The following CCSER1 variants were observed in gnomAD, a reference collection of about 807,000 sequenced individuals.
CCSER1 encodes serine-rich coiled-coil domain-containing protein 1.
CCSER1 carries 41 observed loss-of-function variants against 82.0 expected under a neutral mutation model. That is an observed-to-expected ratio of 0.50 (90% CI 0.39 to 0.65). The LOEUF (loss-of-function observed/expected upper bound fraction) is 0.65. CCSER1 is among the 30% of genes least tolerant of loss of function. The pLI is 0.00. For missense variants in CCSER1, 1,119 were observed against 1,064.2 expected (o/e 1.05, Z -0.72); for synonymous variants, 414 against 383.9 (o/e 1.08, Z -0.92).
intron 9 of CCSER1, among the ~76,000 whole-genome samples, chr4:90,969,910 A>G (rs772191823): frequency 6.6e-5 from 10 of 151,726 alleles, no homozygotes; most frequent in Non-Finnish European, 1.5e-4. Flanking sequence ...AAGAACCTCT[A>G]GCAGATACAC....
intron 1 of CCSER1, among the ~76,000 whole-genome samples, chr4:90,154,470 A>C (rs368470127): frequency 0.029 from 4,382 of 152,154 alleles, 74 homozygotes; most frequent in South Asian, 0.059. Flanking sequence ...TACCTTGGGC[A>C]GTATGGCCAT....
chr4:91,385,366 C>G (rs978349011), intron 10 of CCSER1, among the ~76,000 whole-genome samples: 6 of 151,822 alleles, frequency 4.0e-5, no homozygotes, highest in African/African-American at 1.5e-4. Flanking sequence ...GAGGAAATAA[C>G]AATATGCATA....
At chr4:91,287,018 G>A (rs539260590) in intron 10 of CCSER1, among the ~76,000 whole-genome samples, 4 of 151,900 alleles carry the variant, frequency 2.6e-5, no homozygotes, top group East Asian at 1.9e-4. Context: ...GAATATACAT[G>A]AAAATAATAC....
At chr4:90,695,802 T>A (rs1464391082) in intron 6 of CCSER1, among the ~76,000 whole-genome samples, 1 of 152,006 alleles carries the variant, frequency 6.6e-6, no homozygotes, top group Non-Finnish European at 1.5e-5. Flanking sequence ...TTCAAGGAAT[T>A]TTTTTACATT....
intron 1 of CCSER1, among the ~76,000 whole-genome samples, chr4:90,162,248 G>C (rs986254746): frequency 2.0e-5 from 3 of 151,994 alleles, no homozygotes; most frequent in Non-Finnish European, 2.9e-5. Flanking sequence ...TTATTAACTT[G>C]CTTCCCTGTA....
At chr4:91,076,432 A>C (rs1287825137) in intron 9 of CCSER1, among the ~76,000 whole-genome samples, 1 of 152,052 alleles carries the variant, frequency 6.6e-6, no homozygotes, top group East Asian at 1.9e-4. Context: ...TGTTACAATA[A>C]ATTTGTATTG....
At chr4:90,262,352 T>G (rs1415724649) in intron 1 of CCSER1, among the ~76,000 whole-genome samples, 1 of 152,212 alleles carries the variant, frequency 6.6e-6, no homozygotes, top group African/African-American at 2.4e-5. Context: ...ATGAGTTCGT[T>G]TGTTACAGAG....
At chr4:90,478,644 C>G (rs182662680) in intron 5 of CCSER1, among the ~76,000 whole-genome samples, 4 of 151,638 alleles carry the variant, frequency 2.6e-5, no homozygotes, top group Admixed American at 2.0e-4. Flanking sequence ...CTGCAAGCTA[C>G]AGGTCAGACA....
intron 8 of CCSER1, among the ~76,000 whole-genome samples, chr4:90,874,074 T>C (rs557206392): frequency 6.6e-6 from 1 of 152,242 alleles, no homozygotes; most frequent in East Asian, 1.9e-4. Context: ...CACATTTGGC[T>C]TTCCTTCCAT....
intron 6 of CCSER1, chr4:90,642,404 T>TAAA (rs1726704752): frequency 6.6e-6 from 1 of 152,362 alleles, no homozygotes; most frequent in Non-Finnish European, 1.5e-5. Context: ...AGTGACTCGT[T>TAAA]TAGCTGGAAT....
chr4:90,506,521 G>A (rs1362391112), intron 5 of CCSER1, among the ~76,000 whole-genome samples: 1 of 152,064 alleles, frequency 6.6e-6, no homozygotes, highest in African/African-American at 2.4e-5. Context: ...CTAGTGCTTT[G>A]AGAGGCCAAG....
chr4:91,308,094 C>T (rs1189613670), intron 10 of CCSER1, among the ~76,000 whole-genome samples: 1 of 151,848 alleles, frequency 6.6e-6, no homozygotes, highest in Non-Finnish European at 1.5e-5. Context: ...TTATTTTATT[C>T]TTATTTCCAA....
intron 10 of CCSER1, among the ~76,000 whole-genome samples, chr4:91,300,640 C>T (rs1406395817): frequency 1.3e-5 from 2 of 151,104 alleles, no homozygotes; most frequent in Non-Finnish European, 3.0e-5. Flanking sequence ...CATATATCAC[C>T]AAGAAAGGTG....
chr4:91,470,275 T>G (rs1426712486), intron 10 of CCSER1, among the ~76,000 whole-genome samples: 10 of 152,176 alleles, frequency 6.6e-5, no homozygotes, highest in Non-Finnish European at 1.3e-4. Flanking sequence ...ACATTTAAAG[T>G]TTCAAATATG....
chr4:90,538,510 G>T (rs890477700), intron 5 of CCSER1, among the ~76,000 whole-genome samples: 1 of 151,974 alleles, frequency 6.6e-6, no homozygotes, highest in Non-Finnish European at 1.5e-5. Context: ...GAAAAACTTG[G>T]CTTCTGTTGT....
At chr4:91,102,024 AC>A (rs1272372956) in intron 10 of CCSER1, among the ~76,000 whole-genome samples, 2 of 135,252 alleles carry the variant, frequency 1.5e-5, no homozygotes, top group African/African-American at 5.1e-5. Context: ...AGTCAGACAG[AC>A]CCCTGAATGG....
At chr4:90,297,102 A>G (rs1732114770) in intron 1 of CCSER1, among the ~76,000 whole-genome samples, 1 of 151,996 alleles carries the variant, frequency 6.6e-6, no homozygotes, top group Admixed American at 6.6e-5. Context: ...CATTTTCACA[A>G]TATTGATTCT....
intron 6 of CCSER1, among the ~76,000 whole-genome samples, chr4:90,645,982 A>G (rs1470452388): frequency 6.6e-6 from 1 of 152,208 alleles, no homozygotes; most frequent in Non-Finnish European, 1.5e-5. Flanking sequence ...AAGACTATGT[A>G]TCTTACTGAC....
intron 10 of CCSER1, among the ~76,000 whole-genome samples, chr4:91,391,299 T>A (rs1751635356): frequency 1.3e-5 from 2 of 152,116 alleles, no homozygotes; most frequent in Admixed American, 1.3e-4. Flanking sequence ...TTCACCTATC[T>A]GTTATTTTTA....
Sources: allele counts gnomAD v4.1 joint callset (sites outside exome capture counted in the v4.1 genomes callset), GRCh38; gene constraint gnomAD v4.1.1; transcripts MANE v1.5; gene names NCBI Gene and HGNC (gene_info 2026-07-23, HGNC 2026-07-21).